Variants in C6orf141 observed in about 807,000 individuals in gnomAD.
The protein encoded by C6orf141 is uncharacterized protein C6orf141.
For missense variants in C6orf141, 361 were observed against 335.8 expected, an observed-to-expected ratio of 1.07 and a Z score of -0.59; for synonymous variants, 164 against 140.5, an observed-to-expected ratio of 1.17 and a Z score of -1.18.
At chr6:49,557,901 G>C (rs992876910) in intron 4 of C6orf141, among the ~76,000 whole-genome samples, 3 of 151,838 alleles carry the variant, frequency 2.0e-5, no homozygotes, top group African/African-American at 4.8e-5. Context: ...TTTTTTGTTT[G>C]TTTGTTTTTT....
At chr6:49,557,572 G>A (rs1772200265) in intron 4 of C6orf141, among the ~76,000 whole-genome samples, 1 of 152,114 alleles carries the variant, frequency 6.6e-6, no homozygotes, top group African/African-American at 2.4e-5. Flanking sequence ...CTGCCCCTTT[G>A]AAATGTAAAT....
downstream of C6orf141, among the ~76,000 whole-genome samples, chr6:49,553,779 G>A (rs527445631): frequency 4.3e-3 from 84 of 19,354 alleles, no homozygotes; most frequent in African/African-American, 5.7e-3. Context: ...CAACTTCATA[G>A]AGGGTTTTTT....
intron 4 of C6orf141, among the ~76,000 whole-genome samples, chr6:49,561,319 A>G (rs6458699): frequency 0.97 from 148,215 of 152,244 alleles, 72,278 homozygotes; most frequent in East Asian, 1. Flanking sequence ...GGCTGGTCTC[A>G]AACTCCTGAC....
chr6:49,551,175 C>T lies in C6orf141; in HGVS notation c.383C>T (p.Pro128Leu). 1 of 1,551,528 alleles carries T rather than the reference C, an allele frequency of 6.4e-7. No individual in the cohort carries two copies. Among genetic ancestry groups the T allele is most frequent in the Non-Finnish European group, 8.7e-7 (1 of 1,146,926 alleles). The change falls in exon 1 of 1, where the codon CCC (proline) becomes CTC (leucine). Residue 128 changes from proline (P) to leucine (L), a missense_variant. By Grantham distance (98) the Pro-to-Leu change is moderately conservative. Coordinates refer to ENST00000529246, the MANE Select transcript of C6orf141 (RefSeq NM_001145652.2). ...HAGGEDHGEE[P>L]NYPSVFQRQK... ...GGTGGAGAGGACCACGGCGAGGAGC[C>T]CAACTACCCTTCTGTCTTTCAACGA...
At position 49,560,116 on chromosome 6, in the gene C6orf141, C is replaced by A. The variant is rs375962700; in HGVS notation, c.*764-1588C>A. On this transcript the variant is annotated intron_variant and NMD_transcript_variant, in intron 4 of 4. Coordinates refer to the C6orf141 transcript ENST00000371194. ...ATCACCTGAGGTCTGGAGTTCGAAA[C>A]CAGCCTGACTAACATGGTGAAACCC... Among the ~76,000 whole-genome samples, 77 of 152,204 alleles carry A rather than the reference C, an allele frequency of 5.1e-4. 1 individual carries two copies. In the South Asian group the frequency reaches 0.01, roughly 20 times the overall value.
rs1422858548 is a variant in C6orf141, at chr6:49,551,721, C to T, written c.*194C>T. 2.1e-6 allele frequency: 3 copies of T among 1,430,024 alleles called. No individual in the cohort carries two copies. The highest frequency in any genetic ancestry group is 2.7e-6 in the Non-Finnish European group (3 of 1,091,568). The allele number at this position is 1,430,024 out of a possible 1,614,324, so 88.6% of individuals were successfully genotyped here. ...TTTGTGGCTTGAATTCCTTCGCTGTCTGGGGACCTAAGTCATTCAGAAGAG... is the reference window on the plus strand; with the variant it reads ...TTTGTGGCTTGAATTCCTTCGCTGTTTGGGGACCTAAGTCATTCAGAAGAG... On this transcript the variant is annotated 3_prime_UTR_variant, in exon 1 of 1. Transcript: ENST00000529246.
intron 4 of C6orf141, among the ~76,000 whole-genome samples, chr6:49,558,071 T>TGTTTTTTTTTTTTTTTTGTTG (rs1554168734): frequency 7.2e-6 from 1 of 139,340 alleles, no homozygotes; most frequent in African/African-American, 2.6e-5. Flanking sequence ...TTTTTTTTTT[T>TGTTTTTTTTTTTTTTTTGTTG]TTTTTTTTTT....
chr6:49,557,829 T>C (rs541319239), intron 4 of C6orf141, among the ~76,000 whole-genome samples: 3 of 152,288 alleles, frequency 2.0e-5, no homozygotes, highest in East Asian at 3.9e-4. Flanking sequence ...GCTTAAAATA[T>C]TCCCACCTTT....
chr6:49,557,829 T>G (rs541319239), intron 4 of C6orf141, among the ~76,000 whole-genome samples: 3 of 152,170 alleles, frequency 2.0e-5, no homozygotes, highest in African/African-American at 4.8e-5. Context: ...GCTTAAAATA[T>G]TCCCACCTTT....
Position 49,551,413 on chromosome 6 carries a change from G to A in C6orf141, c.621G>A (p.Trp207Ter), listed in dbSNP as rs1480353014. Residue 207 changes from tryptophan to a stop codon, truncating the protein, a stop_gained and NMD_transcript_variant, in exon 1 of 5, where the codon TGG (tryptophan) becomes TGA (stop). Coordinates refer to the C6orf141 transcript ENST00000371194. The stretch of plus-strand genomic sequence containing the variant: ...GAGAGGGACAGCCTGGGGAACGCTG[G>A]GGCCCTGCTGAATCCCGGGCTCTCC... 4.5e-6 allele frequency: 7 copies of A among 1,551,522 alleles called. No individual in the cohort carries two copies. The East Asian group carries it at 1.5e-4, about 33-fold the overall frequency.
chr6:49,551,034 G>A lies in C6orf141; in HGVS notation c.242G>A (p.Arg81His), dbSNP rs1232148836. The A allele has an allele frequency of 6.4e-7, 1 of 1,551,498 alleles. No individual in the cohort carries two copies. Among genetic ancestry groups the A allele is most frequent in the South Asian group, 1.2e-5 (1 of 84,054 alleles). ...LGPRAGEELD[R>H]ESWVREKVLF... ...CCTCGGGCCGGGGAGGAATTGGACC[G>A]TGAGTCCTGGGTCAGAGAGAAAGTG... The change falls in exon 1 of 1, where the codon CGT (arginine) becomes CAT (histidine). Residue 81 changes from arginine to histidine, a missense_variant. By Grantham distance (29) the Arg-to-His change is conservative. Transcript: ENST00000529246.
chr6:49,555,821 G>A (rs1180020469), downstream of C6orf141, among the ~76,000 whole-genome samples: 1 of 152,148 alleles, frequency 6.6e-6, no homozygotes, highest in African/African-American at 2.4e-5. Context: ...GCCCAGGCTA[G>A]TATTAAAATC....
rs1322481731 is a variant in C6orf141, at chr6:49,551,510, G to C, written c.718G>C (p.Glu240Gln). The part of the protein sequence containing the change: ...RVSPSPGTWL[E>Q]EIKL Reference sequence around the variant, plus strand: ...TTCACCGTCTCCAGGGACTTGGCTCGAGGAAATTAAACTCTAATGAGTAGC... The same window carrying C: ...TTCACCGTCTCCAGGGACTTGGCTCCAGGAAATTAAACTCTAATGAGTAGC... The change falls in exon 1 of 1, where the codon GAG becomes CAG. Residue 240 changes from glutamate (E) to glutamine (Q), a missense_variant. By Grantham distance (29) the Glu-to-Gln change is conservative. Transcript: ENST00000529246. 1.9e-6 allele frequency: 3 copies of C among 1,551,002 alleles called. No homozygotes were observed. The highest frequency in any genetic ancestry group is 2.4e-5 in the East Asian group (1 of 40,914).
At position 49,551,470 on chromosome 6, in the gene C6orf141, C is replaced by G; in HGVS notation, c.678C>G (p.Ala226=). ...QARTGASRVH[A]AGRRVSPSPG... is the part of the protein sequence containing the mutation. ...GAACAGGGGCATCCCGCGTCCACGC[C>G]GCGGGGAGGAGGGTTTCACCGTCTC... The change falls in exon 1 of 1, where the codon GCC becomes GCG. Residue 226 remains alanine (A), a synonymous_variant. Transcript: ENST00000529246. 1 of 1,551,528 alleles carries G rather than the reference C, an allele frequency of 6.4e-7. No individual in the cohort carries two copies. Among genetic ancestry groups the G allele is most frequent in the Non-Finnish European group, 8.7e-7 (1 of 1,146,992 alleles).
intron 4 of C6orf141, among the ~76,000 whole-genome samples, chr6:49,558,074 T>TTTTTTTTTG (rs1772394947): frequency 7.1e-6 from 1 of 141,398 alleles, no homozygotes; most frequent in African/African-American, 2.6e-5. Flanking sequence ...TTTTTTTTTT[T>TTTTTTTTTG]TTTTTTTTTA....
chr6:49,555,702 G>T (rs1027356485), downstream of C6orf141, among the ~76,000 whole-genome samples: 14 of 152,178 alleles, frequency 9.2e-5, no homozygotes, highest in East Asian at 1.9e-4. Flanking sequence ...GAGAAATGGG[G>T]TTTCACCATG....
Position 49,550,939 on chromosome 6 carries a change from C to G in C6orf141, c.147C>G (p.Pro49=), listed in dbSNP as rs1770306041. 1.3e-6 allele frequency: 2 copies of G among 1,544,788 alleles called. No individual in the cohort carries two copies. Among genetic ancestry groups the G allele is most frequent in the African/African-American group, 1.4e-5 (1 of 72,564 alleles). The part of the protein sequence containing the change: ...GAPLAPGARN[P]ATAGASRSQG... ...CGCTAGCTCCGGGCGCCCGGAATCC[C>G]GCGACGGCAGGGGCGAGCCGAAGCC... Residue 49 remains proline, a synonymous_variant, in exon 1 of 1, where the codon CCC becomes CCG. Transcript: ENST00000529246.
chr6:49,559,409 A>T (rs1772819975), intron 4 of C6orf141, among the ~76,000 whole-genome samples: 1 of 151,854 alleles, frequency 6.6e-6, no homozygotes, highest in Non-Finnish European at 1.5e-5. Flanking sequence ...TCTGGAAGTG[A>T]AATATGCTTT....
chr6:49,556,652 A>C (rs192091514), downstream of C6orf141, among the ~76,000 whole-genome samples: 37 of 152,180 alleles, frequency 2.4e-4, no homozygotes, highest in African/African-American at 3.1e-4. Flanking sequence ...ATGAATTGAG[A>C]GGGGTGGGGA....
Sources: allele counts gnomAD v4.1 joint callset (sites outside exome capture counted in the v4.1 genomes callset), GRCh38; gene constraint gnomAD v4.1.1; transcripts MANE v1.5; gene names NCBI Gene and HGNC (gene_info 2026-07-23, HGNC 2026-07-21).